Variants in EPC2 observed in about 807,000 individuals in gnomAD.
EPC2 encodes enhancer of polycomb homolog 2.
A neutral mutation model predicts 92.1 loss-of-function variants in EPC2; 14 were observed. The observed-to-expected ratio is 0.15, with a 90% CI of 0.10 to 0.24. EPC2 has a LOEUF of 0.24. Among genes scored for constraint, EPC2 ranks in the 10% least tolerant of loss-of-function variants. EPC2 has a pLI of 1.00. For synonymous variants in EPC2, 340 were observed against 334.7 expected (o/e 1.02, Z -0.17); for missense variants, 755 against 971.5 (o/e 0.78, Z 2.96).
intron 8 of EPC2, among the ~76,000 whole-genome samples, chr2:148,769,548 A>C (rs1051788272): frequency 1.1e-4 from 17 of 152,138 alleles, no homozygotes; most frequent in Non-Finnish European, 2.9e-5. Flanking sequence ...GTAAACCCAG[A>C]ATTTGTAAGT....
chr2:148,663,861 T>C (rs1233883325), intron 1 of EPC2, among the ~76,000 whole-genome samples: 1 of 152,110 alleles, frequency 6.6e-6, no homozygotes, highest in East Asian at 1.9e-4. Flanking sequence ...CACAATAGGG[T>C]TCACACTCCT....
Position 148,690,304 on chromosome 2 carries a change from A to G in EPC2, c.244A>G (p.Asn82Asp), listed in dbSNP as rs758499550. The change falls in exon 2 of 14, where the codon AAC (asparagine) becomes GAC (aspartate). Residue 82 changes from asparagine to aspartate, a missense_variant. Asn to Asp is a conservative substitution (Grantham distance 23, BLOSUM62 1). Coordinates refer to ENST00000258484, the MANE Select transcript of EPC2 (RefSeq NM_015630.4). ...MVIPVPEAESNVNYYNRLYKG... is the reference protein window; with the variant it reads ...MVIPVPEAESDVNYYNRLYKG... ...CATTCCTGTTCCTGAGGCAGAGAGC[A>G]ACGTCAACTATTACAATCGCTTGTA... The G allele has an allele frequency of 6.2e-7, 1 of 1,612,898 alleles. No homozygotes were observed. The highest frequency in any genetic ancestry group is 8.5e-7 in the Non-Finnish European group (1 of 1,179,628).
At position 148,786,423 on chromosome 2, in the gene EPC2, C is replaced by T. The variant is rs1457550520; in HGVS notation, c.*46C>T. 1.3e-6 allele frequency: 2 copies of T among 1,484,046 alleles called. No individual in the cohort carries two copies. The highest frequency in any genetic ancestry group is 2.4e-5 in the South Asian group (2 of 84,030). 91.9% of individuals were successfully genotyped at this position (1,484,046 alleles called of 1,614,324 possible). ...CCTGTGCTGATGGTGTGCAGTCATT[C>T]ATATTCCAGCTGAATGCAAAAGGCA... is the stretch of plus-strand genomic sequence containing the variant. On this transcript the variant is annotated 3_prime_UTR_variant, in exon 14 of 14. Coordinates refer to ENST00000258484, the MANE Select transcript of EPC2 (RefSeq NM_015630.4).
intron 1 of EPC2, among the ~76,000 whole-genome samples, chr2:148,670,409 C>G (rs1303170158): frequency 1.3e-5 from 2 of 151,324 alleles, no homozygotes; most frequent in Non-Finnish European, 1.5e-5. Flanking sequence ...TGAAAGTATT[C>G]AAGTAAGTGT....
intron 8 of EPC2, 89 bp from the exon 9 acceptor site, chr2:148,770,703 A>G (rs1345552242): frequency 1.5e-6 from 2 of 1,296,472 alleles, no homozygotes; most frequent in Non-Finnish European, 2.1e-6. Context: ...CTAATGTTGC[A>G]GTTACTTCAT....
intron 2 of EPC2, among the ~76,000 whole-genome samples, chr2:148,721,896 T>C (rs1264845854): frequency 2.1e-5 from 3 of 145,040 alleles, no homozygotes; most frequent in African/African-American, 5.0e-5. Context: ...ATTTCTTTTT[T>C]TTTTTTTTTT....
In EPC2 at chr2:148,784,642, A is replaced by G. The variant is rs1374318755; in HGVS notation, c.2018-26A>G. ...AGTTGTATTGATGTCTCATGATACT[A>G]GTTGAATGACTTCTTTCTTTTTCAG... is the stretch of plus-strand genomic sequence containing the variant. On this transcript the variant is annotated intron_variant, in intron 12 of 13. Coordinates refer to ENST00000258484, the MANE Select transcript of EPC2 (RefSeq NM_015630.4). The G allele has an allele frequency of 5.4e-6, 8 of 1,474,130 alleles. No homozygotes were observed. The South Asian group carries it at 6.3e-5, about 12-fold the overall frequency. The allele number at this position is 1,474,130 out of a possible 1,614,324, so 91.3% of individuals were successfully genotyped here.
chr2:148,665,521 G>C (rs16829138), intron 1 of EPC2, among the ~76,000 whole-genome samples: 1,897 of 152,266 alleles, frequency 0.012, 38 homozygotes, highest in African/African-American at 0.044. Context: ...CCAACAATTA[G>C]ATATGGGAAC....
intron 6 of EPC2, among the ~76,000 whole-genome samples, chr2:148,764,210 A>G (rs977161565): frequency 1.3e-5 from 2 of 152,222 alleles, no homozygotes; most frequent in African/African-American, 4.8e-5. Context: ...TAGATGTGGA[A>G]ATGTATAAAT....
intron 1 of EPC2, among the ~76,000 whole-genome samples, chr2:148,656,333 C>T (rs991626085): frequency 2.0e-5 from 3 of 152,102 alleles, no homozygotes; most frequent in Non-Finnish European, 4.4e-5. Flanking sequence ...GTGCATAGGA[C>T]TTTATTTATT....
chr2:148,680,160 T>C (rs554222885), intron 1 of EPC2, among the ~76,000 whole-genome samples: 207 of 152,232 alleles, frequency 1.4e-3, no homozygotes, highest in Non-Finnish European at 2.2e-3. Context: ...GCCTCGCTTA[T>C]TTATTTCTTC....
intron 1 of EPC2, among the ~76,000 whole-genome samples, chr2:148,684,915 A>T (rs1681483572): frequency 6.6e-6 from 1 of 152,048 alleles, no homozygotes; most frequent in African/African-American, 2.4e-5. Context: ...TTAGTTTTTT[A>T]TTTTTGCCAG....
intron 2 of EPC2, among the ~76,000 whole-genome samples, chr2:148,721,260 T>G (rs901908925): frequency 1.3e-5 from 2 of 152,052 alleles, no homozygotes; most frequent in Admixed American, 1.3e-4. Context: ...TGAGAAAGTT[T>G]TTATTTCTCC....
chr2:148,781,596 A>C, intron 10 of EPC2, 48 bp from the exon 11 acceptor site: 1 of 1,564,058 alleles, frequency 6.4e-7, no homozygotes, highest in Non-Finnish European at 8.7e-7. Flanking sequence ...TGTGTTATTA[A>C]AAATCTTTTA....
At chr2:148,654,914 G>A (rs1165745875) in intron 1 of EPC2, among the ~76,000 whole-genome samples, 1 of 152,062 alleles carries the variant, frequency 6.6e-6, no homozygotes, top group African/African-American at 2.4e-5. Context: ...TAGATGATTA[G>A]TTAGTTATGG....
intron 2 of EPC2, chr2:148,691,705 G>C: frequency 1.6e-6 from 2 of 1,282,410 alleles, no homozygotes; most frequent in Middle Eastern, 1.8e-4. Flanking sequence ...CACAGTATTA[G>C]CTTTAATTTA....
intron 4 of EPC2, among the ~76,000 whole-genome samples, chr2:148,758,049 C>T (rs1176444063): frequency 1.3e-5 from 2 of 151,422 alleles, no homozygotes; most frequent in East Asian, 3.9e-4. Flanking sequence ...GACGCAGGAG[C>T]CAGCTTGAAA....
At chr2:148,656,522 T>C (rs1484399550) in intron 1 of EPC2, among the ~76,000 whole-genome samples, 1 of 152,222 alleles carries the variant, frequency 6.6e-6, no homozygotes, top group African/African-American at 2.4e-5. Flanking sequence ...TCAGGTATCA[T>C]GTTGGCAAGC....
At chr2:148,696,612 A>G (rs748955944) in intron 2 of EPC2, among the ~76,000 whole-genome samples, 5 of 152,350 alleles carry the variant, frequency 3.3e-5, no homozygotes, top group Middle Eastern at 3.4e-3. Context: ...TAAAGGGTGC[A>G]TGATTCTTGG....
Sources: gnomAD v4.1 joint callset for allele counts (sites outside exome capture counted in the v4.1 genomes callset) on GRCh38, gnomAD v4.1.1 for gene constraint, MANE v1.5 for transcripts, NCBI Gene and HGNC (gene_info 2026-07-23, HGNC 2026-07-21) for gene names.